The following C8orf34 variants were observed in gnomAD, a reference collection of about 807,000 sequenced individuals.
The protein encoded by C8orf34 is uncharacterized protein C8orf34.
Under a neutral mutation model 68.3 loss-of-function variants are expected in C8orf34, and 65 were observed. The observed-to-expected ratio is 0.95, with a 90% confidence interval of 0.78 to 1.17. C8orf34 has a LOEUF of 1.17. Ranked by LOEUF, C8orf34 falls within the 50% of genes most tolerant of loss-of-function variation. The probability of loss-of-function intolerance (pLI) is 0.00; values close to 1 mark genes in which losing one functional copy is unlikely to be tolerated. For synonymous variants in C8orf34, 244 were observed against 241.2 expected (o/e 1.01, Z -0.11); for missense variants, 664 against 655.4 (o/e 1.01, Z -0.14).
At chr8:68,712,205 A>G (rs1821346712) in intron 9 of C8orf34, among the ~76,000 whole-genome samples, 1 of 152,160 alleles carries the variant, frequency 6.6e-6, no homozygotes, top group Non-Finnish European at 1.5e-5. Flanking sequence ...CCTGAAACAA[A>G]TCCCTGAAAT....
chr8:68,746,738 A>T (rs1822510174), intron 10 of C8orf34, among the ~76,000 whole-genome samples: 2 of 148,174 alleles, frequency 1.3e-5, no homozygotes, highest in African/African-American at 4.9e-5. Context: ...TGTGGCAATA[A>T]TCAATAGCTT....
At chr8:68,374,038 G>A (rs139617279) in intron 1 of C8orf34, among the ~76,000 whole-genome samples, 7 of 152,244 alleles carry the variant, frequency 4.6e-5, no homozygotes, top group Non-Finnish European at 8.8e-5. Flanking sequence ...GCCTTAGCCT[G>A]TTGAATAGCT....
intron 5 of C8orf34, among the ~76,000 whole-genome samples, chr8:68,501,687 G>A (rs888649100): frequency 1.3e-5 from 2 of 152,162 alleles, no homozygotes; most frequent in African/African-American, 4.8e-5. Context: ...TTTAGCCACT[G>A]TGTCCATTTT....
At chr8:68,541,570 G>A (rs114004452) in intron 7 of C8orf34, among the ~76,000 whole-genome samples, 3,124 of 152,152 alleles carry the variant, frequency 0.021, 111 homozygotes, top group African/African-American at 0.069. Context: ...TGTAAGTTTC[G>A]TGCATGTTAT....
intron 1 of C8orf34, among the ~76,000 whole-genome samples, chr8:68,369,872 G>T (rs1379769672): frequency 6.6e-6 from 1 of 152,178 alleles, no homozygotes; most frequent in Non-Finnish European, 1.5e-5. Context: ...GAGCATAAGG[G>T]TTGAGCACTA....
At chr8:68,748,413 G>A (rs569953822) in intron 10 of C8orf34, among the ~76,000 whole-genome samples, 288 of 148,156 alleles carry the variant, frequency 1.9e-3, no homozygotes, top group African/African-American at 6.7e-3. Flanking sequence ...AAGAGCTTCT[G>A]CACAGCAAAA....
chr8:68,369,770 G>T (rs1004739177), intron 1 of C8orf34, among the ~76,000 whole-genome samples: 1 of 152,198 alleles, frequency 6.6e-6, no homozygotes, highest in African/African-American at 2.4e-5. Flanking sequence ...AAAGCCCCCA[G>T]GGGTCTGCAC....
intron 10 of C8orf34, among the ~76,000 whole-genome samples, chr8:68,763,084 A>C (rs547873384): frequency 5.3e-5 from 8 of 152,324 alleles, no homozygotes; most frequent in African/African-American, 1.9e-4. Flanking sequence ...TTCCTACTGG[A>C]TAAATTCTCC....
intron 10 of C8orf34, among the ~76,000 whole-genome samples, chr8:68,722,607 T>C (rs1405297583): frequency 6.6e-6 from 1 of 152,098 alleles, no homozygotes; most frequent in Non-Finnish European, 1.5e-5. Context: ...ATTTCCCTTC[T>C]TTATTTTTTA....
chr8:68,759,063 C>T (rs1042110378), intron 10 of C8orf34, among the ~76,000 whole-genome samples: 10 of 151,950 alleles, frequency 6.6e-5, no homozygotes, highest in Non-Finnish European at 1.2e-4. Context: ...AAAAATTATA[C>T]GTAGACACAT....
chr8:68,535,577 A>T (rs1029286664), intron 7 of C8orf34: 1 of 806,320 alleles, frequency 1.2e-6, no homozygotes, highest in African/African-American at 1.9e-5. Context: ...TGTTTTGTTT[A>T]TTAAGGAAAC....
Position 68,370,855 on chromosome 8 carries a change from A to G in C8orf34, c.327+39516A>G, listed in dbSNP as rs1807529768. Among the ~76,000 whole-genome samples, 3 of 152,214 alleles carry G rather than the reference A, an allele frequency of 2.0e-5. No homozygotes were observed. In the South Asian group the frequency reaches 6.2e-4, roughly 32 times the overall value. ...TAACATCCTTAGAATCCATTTCTGCACATATTTCCCAGATTTAAGTCAAAA... is the reference window on the plus strand; with the variant it reads ...TAACATCCTTAGAATCCATTTCTGCGCATATTTCCCAGATTTAAGTCAAAA... On this transcript the variant is annotated intron_variant, in intron 1 of 13. Transcript: ENST00000518698.
chr8:68,814,804 C>T (rs1010677940), intron 12 of C8orf34, among the ~76,000 whole-genome samples: 1 of 152,054 alleles, frequency 6.6e-6, no homozygotes, highest in African/African-American at 2.4e-5. Context: ...CCATTTCATT[C>T]GAGTTGAAGT....
intron 12 of C8orf34, among the ~76,000 whole-genome samples, chr8:68,801,895 TAAA>T (rs76145523): frequency 6.9e-6 from 1 of 145,498 alleles, no homozygotes; most frequent in Admixed American, 7.0e-5. Flanking sequence ...ATGCAGTAAT[TAAA>T]AAAAAAAAAA....
chr8:68,602,133 A>C (rs1430713623), intron 7 of C8orf34, among the ~76,000 whole-genome samples: 1 of 152,096 alleles, frequency 6.6e-6, no homozygotes, highest in Admixed American at 6.6e-5. Flanking sequence ...GGGAGCAGTG[A>C]GTTAATCCAC....
chr8:68,792,053 A>T (rs1322022170), intron 12 of C8orf34: 2 of 152,166 alleles, frequency 1.3e-5, no homozygotes, highest in African/African-American at 4.8e-5. Flanking sequence ...TAAAATTCAC[A>T]GGGTCCTCTC....
chr8:68,402,992 C>G (rs1038626781), intron 1 of C8orf34, among the ~76,000 whole-genome samples: 3 of 152,188 alleles, frequency 2.0e-5, no homozygotes, highest in African/African-American at 7.2e-5. Flanking sequence ...CACTGGGAAG[C>G]AGCAGGCAGG....
In C8orf34 at chr8:68,540,654, G is replaced by A. The variant is rs370531854; in HGVS notation, c.1105+7505G>A. Among the ~76,000 whole-genome samples, 4 of 152,062 alleles carry A rather than the reference G, an allele frequency of 2.6e-5. No individual in the cohort carries two copies. In the East Asian group the frequency reaches 7.8e-4, roughly 30 times the overall value. On this transcript the variant is annotated intron_variant, in intron 7 of 13. Coordinates refer to ENST00000518698, the MANE Select transcript of C8orf34 (RefSeq NM_052958.4). ...TCAGAGTTTGAGACGAGCCTGGCTA[G>A]TATGGTGAAACCCTGTCTCCACCAT...
chr8:68,339,357 G>A (rs2129617946), intron 1 of C8orf34, among the ~76,000 whole-genome samples: 1 of 151,896 alleles, frequency 6.6e-6, no homozygotes, highest in African/African-American at 2.4e-5. Context: ...ACATATTTAT[G>A]TTCAAGCAAA....
Sources: allele counts gnomAD v4.1 joint callset (sites outside exome capture counted in the v4.1 genomes callset), GRCh38; gene constraint gnomAD v4.1.1; transcripts MANE v1.5; gene names NCBI Gene and HGNC (gene_info 2026-07-23, HGNC 2026-07-21).